Variants in GFRA1 observed in about 807,000 individuals in gnomAD.
The protein encoded by GFRA1 is GDNF family receptor alpha 1.
GFRA1 carries 16 observed loss-of-function variants against 51.6 expected under a neutral mutation model. That is an observed-to-expected ratio of 0.31 (90% CI 0.21 to 0.47). The LOEUF is 0.47. Ranked by LOEUF, GFRA1 falls within the 20% of genes least tolerant of loss-of-function variation. The pLI, the probability that GFRA1 is intolerant of heterozygous loss-of-function variation, is 1.00. For synonymous variants in GFRA1, 270 were observed against 241.3 expected (o/e 1.12, Z -1.10); for missense variants, 530 against 594.3 (o/e 0.89, Z 1.13).
At chr10:116,135,136 G>A (rs1224521376) in intron 5 of GFRA1, among the ~76,000 whole-genome samples, 1 of 152,186 alleles carries the variant, frequency 6.6e-6, no homozygotes, top group Non-Finnish European at 1.5e-5. Context: ...GTAAGGTGTA[G>A]TGCCTCATTG....
intron 5 of GFRA1, among the ~76,000 whole-genome samples, chr10:116,178,998 C>A (rs4495806): frequency 0.49 from 74,984 of 151,970 alleles, 19,730 homozygotes; most frequent in Middle Eastern, 0.61. Flanking sequence ...TGGATCCCAT[C>A]TGCTCCCCCG....
chr10:116,073,591 G>A (rs1955496035), intron 9 of GFRA1, among the ~76,000 whole-genome samples: 1 of 152,118 alleles, frequency 6.6e-6, no homozygotes, highest in Admixed American at 6.5e-5. Flanking sequence ...CAGCATTAAT[G>A]GTATAAAGGC....
intron 6 of GFRA1, among the ~76,000 whole-genome samples, chr10:116,116,696 C>A (rs1208590775): frequency 6.6e-6 from 1 of 152,210 alleles, no homozygotes; most frequent in Non-Finnish European, 1.5e-5. Context: ...AGAAACGACT[C>A]TTTTGAAATC....
At chr10:116,251,974 T>A (rs2134699012) in intron 4 of GFRA1, among the ~76,000 whole-genome samples, 1 of 147,918 alleles carries the variant, frequency 6.8e-6, no homozygotes, top group South Asian at 2.2e-4. Flanking sequence ...TTTTTTTTTT[T>A]TTTTTTTTTT....
At chr10:116,178,818 TTC>T (rs558430491) in intron 5 of GFRA1, among the ~76,000 whole-genome samples, 61 of 152,204 alleles carry the variant, frequency 4.0e-4, no homozygotes, top group Non-Finnish European at 7.9e-4. Context: ...TTCTCTCTCA[TTC>T]TCTTTAGGGT....
In GFRA1 at chr10:116,062,926, C is replaced by T. The variant is rs575453841; in HGVS notation, c.*1472G>A. On this transcript the variant is annotated 3_prime_UTR_variant, in exon 11 of 11. Coordinates refer to ENST00000355422, the MANE Select transcript of GFRA1 (RefSeq NM_005264.8). ...TCATCTCACCAAACCTAATGTCAACCCTCTTGATCCACAAACCTTCCTTCT... is the reference window on the plus strand; with the variant it reads ...TCATCTCACCAAACCTAATGTCAACTCTCTTGATCCACAAACCTTCCTTCT... 1 of 152,288 alleles carries T rather than the reference C, an allele frequency of 6.6e-6. No individual in the cohort carries two copies. The highest frequency in any genetic ancestry group is 2.1e-4 in the South Asian group (1 of 4,822). The allele number at this position is 152,288 out of a possible 1,614,324, so 9.4% of individuals were successfully genotyped here.
At chr10:116,221,254 G>A (rs1443753371) in intron 4 of GFRA1, among the ~76,000 whole-genome samples, 2 of 152,154 alleles carry the variant, frequency 1.3e-5, no homozygotes, top group Non-Finnish European at 2.9e-5. Flanking sequence ...AGGGAAGCAA[G>A]TGAGCTGGAA....
At chr10:116,186,340 A>G (rs1261668977) in intron 5 of GFRA1, among the ~76,000 whole-genome samples, 1 of 152,222 alleles carries the variant, frequency 6.6e-6, no homozygotes, top group Admixed American at 6.5e-5. Context: ...TCCCCAAGGA[A>G]CTAAGTGGCA....
At chr10:116,186,897 C>T (rs186342362) in intron 5 of GFRA1, among the ~76,000 whole-genome samples, 7 of 152,236 alleles carry the variant, frequency 4.6e-5, no homozygotes, top group Admixed American at 4.6e-4. Context: ...GCTTCTTGCA[C>T]CTCAGCTCAA....
chr10:116,273,671 GTCTCTCTC>G (rs60112716), upstream of GFRA1, among the ~76,000 whole-genome samples: 335 of 147,562 alleles, frequency 2.3e-3, 1 homozygote, highest in African/African-American at 6.9e-3. Flanking sequence ...CTCTCTCTCT[GTCTCTCTC>G]TCTCTCTCTC....
chr10:116,133,995 G>A (rs553074693), intron 5 of GFRA1, among the ~76,000 whole-genome samples: 2 of 152,322 alleles, frequency 1.3e-5, no homozygotes, highest in South Asian at 2.1e-4. Context: ...AAATGCCACC[G>A]TTATTGGCAA....
In GFRA1 at chr10:116,089,888, A is replaced by G. The variant is rs371135606; in HGVS notation, c.1050T>C (p.Asp350=). The G allele has an allele frequency of 6.2e-6, 10 of 1,614,064 alleles. No homozygotes were observed. The highest frequency in any genetic ancestry group is 5.0e-5 in the Admixed American group (3 of 60,012). Residue 350 remains aspartate, a synonymous_variant, in exon 9 of 11, where the codon GAT becomes GAC. Coordinates refer to ENST00000355422, the MANE Select transcript of GFRA1 (RefSeq NM_005264.8). ...NAIQAFGNGS[D]VTVWQPAFPV... Reference sequence around the variant, plus strand: ...GGAAGGCTGGCTGCCACACGGTCACATCGGAGCCATTGCCAAAGGCTTGAA... The same window carrying G: ...GGAAGGCTGGCTGCCACACGGTCACGTCGGAGCCATTGCCAAAGGCTTGAA...
At chr10:116,207,771 G>A (rs976536101) in intron 5 of GFRA1, among the ~76,000 whole-genome samples, 2 of 152,252 alleles carry the variant, frequency 1.3e-5, no homozygotes, top group South Asian at 2.1e-4. Flanking sequence ...GCAGATGTAA[G>A]TCATGGGCAC....
intron 5 of GFRA1, among the ~76,000 whole-genome samples, chr10:116,135,487 G>A (rs1298037519): frequency 6.6e-6 from 1 of 152,104 alleles, no homozygotes; most frequent in African/African-American, 2.4e-5. Flanking sequence ...GCACATATTT[G>A]AGCATAATGC....
At position 116,196,588 on chromosome 10, in the gene GFRA1, C is replaced by T. The variant is rs766521039; in HGVS notation, c.433+15043G>A. Among the ~76,000 whole-genome samples, 128 of 12,808 alleles carry T rather than the reference C, an allele frequency of 1.0e-2. 9 individuals are homozygous for T. Among genetic ancestry groups the T allele is most frequent in the African/African-American group, 0.016 (126 of 7,778 alleles). The allele number at this position is 12,808 out of a possible 152,430, so 8.4% of individuals were successfully genotyped here. On this transcript the variant is annotated intron_variant, in intron 5 of 10. Transcript: ENST00000355422. ...TATATAATATATATAATATATAGTA[C>T]TATATATAATATATATATAGTACTA...
rs118161145 is a variant in GFRA1, at chr10:116,179,008, G to A, written c.433+32623C>T. Among the ~76,000 whole-genome samples the A allele has an allele frequency of 1.6e-3, 249 of 152,194 alleles. 5 individuals carry two copies. In the East Asian group the frequency reaches 0.033, roughly 20 times the overall value. ...CTGGTTGGATCCCATCTGCTCCCCC[G>A]GTTACCGACTGCTGGTGCGCACGGT... On this transcript the variant is annotated intron_variant, in intron 5 of 10. Transcript: ENST00000355422.
At chr10:116,111,602 T>G (rs979238634) in intron 6 of GFRA1, among the ~76,000 whole-genome samples, 2 of 152,056 alleles carry the variant, frequency 1.3e-5, no homozygotes. Context: ...CCCCTAAGCC[T>G]ACTCCCATCT....
intron 5 of GFRA1, among the ~76,000 whole-genome samples, chr10:116,151,328 G>C (rs1291558554): frequency 6.6e-6 from 1 of 152,060 alleles, no homozygotes; most frequent in East Asian, 1.9e-4. Flanking sequence ...CATTCCAAGG[G>C]GACACTCTGG....
At chr10:116,209,987 G>A (rs1018919866) in intron 5 of GFRA1, among the ~76,000 whole-genome samples, 3 of 152,168 alleles carry the variant, frequency 2.0e-5, no homozygotes, top group African/African-American at 4.8e-5. Flanking sequence ...GACACACAGA[G>A]CAACGGGTAG....
Sources: allele counts gnomAD v4.1 joint callset (sites outside exome capture counted in the v4.1 genomes callset), GRCh38; gene constraint gnomAD v4.1.1; transcripts MANE v1.5; gene names NCBI Gene and HGNC (gene_info 2026-07-23, HGNC 2026-07-21).